Variants in PRKCB observed in about 807,000 individuals in gnomAD.
PRKCB encodes protein kinase C beta type.
A neutral mutation model predicts 81.5 loss-of-function variants in PRKCB; 13 were observed. The observed-to-expected ratio is 0.16, with a 90% CI of 0.10 to 0.25. PRKCB has a LOEUF of 0.25. PRKCB is among the 10% of genes least tolerant of loss of function. The pLI, the probability that PRKCB is intolerant of heterozygous loss-of-function variation, is 1.00. For synonymous variants in PRKCB, 335 were observed against 321.4 expected, an observed-to-expected ratio of 1.04 and a Z score of -0.45; for missense variants, 509 against 875.7, an observed-to-expected ratio of 0.58 and a Z score of 5.29.
intron 3 of PRKCB, among the ~76,000 whole-genome samples, chr16:24,025,105 T>C (rs1965458961): frequency 2.6e-5 from 4 of 152,182 alleles, no homozygotes. Flanking sequence ...GAAGTCAATG[T>C]TTCCCTGCAA....
chr16:24,114,343 G>A (rs1322266503), intron 8 of PRKCB, among the ~76,000 whole-genome samples: 1 of 151,594 alleles, frequency 6.6e-6, no homozygotes, highest in East Asian at 2.0e-4. Context: ...CTGATGGATG[G>A]AATCTGGATT....
At chr16:23,910,572 G>A (rs968888130) in intron 2 of PRKCB, among the ~76,000 whole-genome samples, 1 of 152,082 alleles carries the variant, frequency 6.6e-6, no homozygotes, top group Non-Finnish European at 1.5e-5. Flanking sequence ...TTTTGTTCTC[G>A]TTGTGTTTTA....
At chr16:24,045,807 T>G (rs1460315165) in intron 5 of PRKCB, among the ~76,000 whole-genome samples, 2 of 152,244 alleles carry the variant, frequency 1.3e-5, no homozygotes, top group East Asian at 3.8e-4. Context: ...GCAGCCCTGC[T>G]GCAGAGGATC....
chr16:24,069,651 G>A (rs562842524), intron 5 of PRKCB, among the ~76,000 whole-genome samples: 1 of 152,216 alleles, frequency 6.6e-6, no homozygotes, highest in African/African-American at 2.4e-5. Flanking sequence ...GAGGTGGGAG[G>A]ATCACTTGAA....
intron 5 of PRKCB, among the ~76,000 whole-genome samples, chr16:24,046,350 C>T (rs1290626516): frequency 1.3e-5 from 2 of 152,252 alleles, no homozygotes; most frequent in Non-Finnish European, 2.9e-5. Flanking sequence ...GCACTGCTTA[C>T]AGGCAAGGCC....
intron 2 of PRKCB, among the ~76,000 whole-genome samples, chr16:23,972,657 T>C (rs1416795027): frequency 6.6e-6 from 1 of 152,166 alleles, no homozygotes; most frequent in Non-Finnish European, 1.5e-5. Context: ...GTGAGAAGGT[T>C]TTGTCTTGTA....
At chr16:24,061,268 C>A (rs1965970044) in intron 5 of PRKCB, among the ~76,000 whole-genome samples, 1 of 152,120 alleles carries the variant, frequency 6.6e-6, no homozygotes, top group South Asian at 2.1e-4. Flanking sequence ...GCCATGTTGG[C>A]CAGGCTGATC....
chr16:24,105,451 G>T (rs1413206198), intron 7 of PRKCB, among the ~76,000 whole-genome samples: 2 of 152,036 alleles, frequency 1.3e-5, no homozygotes, highest in African/African-American at 2.4e-5. Flanking sequence ...ATGCCAGGTG[G>T]TTTGCTGCAC....
At chr16:24,109,818 T>C (rs1486197268) in intron 7 of PRKCB, among the ~76,000 whole-genome samples, 4 of 133,570 alleles carry the variant, frequency 3.0e-5, no homozygotes, top group Admixed American at 2.2e-4. Context: ...CTGGGCACCA[T>C]TGAGCACTGA....
chr16:24,120,737 AT>A (rs11404478), intron 8 of PRKCB, among the ~76,000 whole-genome samples: 14 of 151,006 alleles, frequency 9.3e-5, no homozygotes, highest in African/African-American at 3.4e-4. Context: ...TGAGTCCATC[AT>A]TTTTTTTTCT....
intron 7 of PRKCB, among the ~76,000 whole-genome samples, chr16:24,095,209 A>C (rs564140401): frequency 6.6e-6 from 1 of 152,164 alleles, no homozygotes; most frequent in East Asian, 1.9e-4. Context: ...TGCAATAGGG[A>C]AAGAGTTTTA....
rs939417946 is a variant in PRKCB at position 24,216,401 on chromosome 16, T to A, written c.*1585T>A. 7.1e-6 allele frequency: 7 copies of A among 985,302 alleles called. No homozygotes were observed. The African/African-American group carries it at 1.2e-4, about 17-fold the overall frequency. The allele number at this position is 985,302 out of a possible 1,614,324, so 61.0% of individuals were successfully genotyped here. On this transcript the variant is annotated 3_prime_UTR_variant, in exon 17 of 17. Transcript: ENST00000643927. ...CCTTCGGTGGGAGAAATTTCATTTC[T>A]GTCTGAGAGGATTAAGGCAGCAGGT...
chr16:23,881,281 C>G (rs1306947658), intron 2 of PRKCB, among the ~76,000 whole-genome samples: 1 of 138,888 alleles, frequency 7.2e-6, no homozygotes, highest in African/African-American at 2.7e-5. Flanking sequence ...GAGACAGAGT[C>G]TCGCTCTGTT....
At position 23,864,902 on chromosome 16, in the gene PRKCB, G is replaced by A. The variant is rs535655986; in HGVS notation, c.205+27496G>A. Among the ~76,000 whole-genome samples, 6 of 152,126 alleles carry A rather than the reference G, an allele frequency of 3.9e-5. No homozygotes were observed. The South Asian group carries it at 1.0e-3, about 26-fold the overall frequency. On this transcript the variant is annotated intron_variant, in intron 2 of 16. Coordinates refer to ENST00000643927, the MANE Select transcript of PRKCB (RefSeq NM_002738.7). ...CTTCCCCTATGCCCTCTCCCTCTTGGGGTCCCTAGTGTCGGTTGTTTCCAT... is the reference window on the plus strand; with the variant it reads ...CTTCCCCTATGCCCTCTCCCTCTTGAGGTCCCTAGTGTCGGTTGTTTCCAT...
intron 2 of PRKCB, among the ~76,000 whole-genome samples, chr16:23,850,106 A>G (rs1462988054): frequency 1.3e-5 from 2 of 152,144 alleles, no homozygotes; most frequent in African/African-American, 2.4e-5. Context: ...ACTTAGCATA[A>G]TGTCCTCCAG....
intron 7 of PRKCB, among the ~76,000 whole-genome samples, chr16:24,106,424 A>G (rs1206664199): frequency 6.6e-6 from 1 of 152,172 alleles, no homozygotes; most frequent in Non-Finnish European, 1.5e-5. Flanking sequence ...AGTGCCCATA[A>G]CCACTATTGA....
Position 24,188,509 on chromosome 16 carries a change from T to C in PRKCB, c.1723-2581T>C, listed in dbSNP as rs535984253. Reference sequence around the variant, plus strand: ...TCCTCCTGCTTAGACAGAAATTCAGTTGAGCTTTTGAAAACAGTCACCTGT... The same window carrying C: ...TCCTCCTGCTTAGACAGAAATTCAGCTGAGCTTTTGAAAACAGTCACCTGT... On this transcript the variant is annotated intron_variant, in intron 15 of 16. Coordinates refer to ENST00000643927, the MANE Select transcript of PRKCB (RefSeq NM_002738.7). Among the ~76,000 whole-genome samples the C allele has an allele frequency of 2.0e-5, 3 of 152,272 alleles. No homozygotes were observed. In the South Asian group the frequency reaches 6.2e-4, roughly 32 times the overall value.
chr16:23,887,290 T>G (rs1176212854), intron 2 of PRKCB, among the ~76,000 whole-genome samples: 1 of 152,210 alleles, frequency 6.6e-6, no homozygotes, highest in African/African-American at 2.4e-5. Context: ...GGCAATGAAC[T>G]TGTTACCCAA....
At chr16:23,905,032 CT>C (rs1171036607) in intron 2 of PRKCB, among the ~76,000 whole-genome samples, 5 of 125,516 alleles carry the variant, frequency 4.0e-5, no homozygotes, top group Non-Finnish European at 6.3e-5. Context: ...TGCATTGGTC[CT>C]TTTTTTTTCT....
Sources: gnomAD v4.1 joint callset for allele counts (sites outside exome capture counted in the v4.1 genomes callset) on GRCh38, gnomAD v4.1.1 for gene constraint, MANE v1.5 for transcripts, NCBI Gene and HGNC (gene_info 2026-07-23, HGNC 2026-07-21) for gene names.